EGLN1: variants seen among roughly 807,000 people sequenced by gnomAD.
The protein encoded by EGLN1 is egl-9 family hypoxia inducible factor 1, also known as egl nine homolog 1.
A neutral mutation model predicts 38.3 loss-of-function variants in EGLN1; 17 were observed. The observed-to-expected ratio is 0.44, with a 90% CI of 0.30 to 0.67. The LOEUF (loss-of-function observed/expected upper bound fraction) is 0.67. EGLN1 is among the 30% of genes least tolerant of loss of function. The pLI is 0.08. For missense variants in EGLN1, 477 were observed against 603.3 expected (o/e 0.79, Z 2.19); for synonymous variants, 283 against 257.5 (o/e 1.10, Z -0.95).
chr1:231,403,879 CA>C (rs1345994212), intron 1 of EGLN1, among the ~76,000 whole-genome samples: 4 of 147,494 alleles, frequency 2.7e-5, no homozygotes, highest in African/African-American at 1.0e-4. Flanking sequence ...TTAAATTATT[CA>C]AAGTATTGTA....
intron 1 of EGLN1, among the ~76,000 whole-genome samples, chr1:231,400,475 T>C (rs1688638734): frequency 6.6e-6 from 1 of 152,158 alleles, no homozygotes; most frequent in African/African-American, 2.4e-5. Context: ...CCTGAGTTAC[T>C]TGAAAACAGT....
chr1:231,422,255 G>A lies in EGLN1; in HGVS notation c.-367C>T, dbSNP rs947333253. On this transcript the variant is annotated 5_prime_UTR_variant, in exon 1 of 5. Coordinates refer to ENST00000366641, the MANE Select transcript of EGLN1 (RefSeq NM_022051.3). ...GGGCGGCCCGGCCCAGGCTGTGGAG[G>A]AGCGCAGGGCATACGGGCGCCACTC... 9 of 166,508 alleles carry A rather than the reference G, an allele frequency of 5.4e-5. No homozygotes were observed. The highest frequency in any genetic ancestry group is 8.9e-5 in the Non-Finnish European group (7 of 78,462). The allele number at this position is 166,508 out of a possible 1,614,324, so 10.3% of individuals were successfully genotyped here.
chr1:231,391,376 G>A (rs1175076927), intron 1 of EGLN1, among the ~76,000 whole-genome samples: 1 of 152,122 alleles, frequency 6.6e-6, no homozygotes, highest in African/African-American at 2.4e-5. Context: ...AATTTTAAAA[G>A]TGGAAAAGAT....
At chr1:231,406,791 C>A (rs1454509620) in intron 1 of EGLN1, among the ~76,000 whole-genome samples, 1 of 151,972 alleles carries the variant, frequency 6.6e-6, no homozygotes, top group Non-Finnish European at 1.5e-5. Flanking sequence ...ACCGCTCCCA[C>A]TAGATTCTGA....
At chr1:231,377,231 T>C (rs1411636590) in intron 1 of EGLN1, among the ~76,000 whole-genome samples, 2 of 152,200 alleles carry the variant, frequency 1.3e-5, no homozygotes, top group African/African-American at 4.8e-5. Flanking sequence ...ACTGTTCTCA[T>C]CCTCATTCCT....
At position 231,405,634 on chromosome 1, in the gene EGLN1, A is replaced by G. The variant is rs1458651707; in HGVS notation, c.891+15364T>C. Among the ~76,000 whole-genome samples the G allele has an allele frequency of 2.0e-5, 3 of 152,130 alleles. No individual in the cohort carries two copies. The East Asian group carries it at 5.8e-4, about 29-fold the overall frequency. ...GTAGAGAGCCAGATGACAAGAATCC[A>G]AGGCAATACTAGCAGGTCCTATTCC... On this transcript the variant is annotated intron_variant, in intron 1 of 4. Coordinates refer to ENST00000366641, the MANE Select transcript of EGLN1 (RefSeq NM_022051.3).
intron 1 of EGLN1, among the ~76,000 whole-genome samples, chr1:231,402,268 A>G (rs752662525): frequency 3.3e-5 from 5 of 151,978 alleles, no homozygotes; most frequent in Non-Finnish European, 5.9e-5. Context: ...CATTTTCTTA[A>G]TGGTATCTTT....
At chr1:231,373,846 C>A in intron 2 of EGLN1, 134 bp downstream of exon 2, 2 of 970,254 alleles carry the variant, frequency 2.1e-6, no homozygotes, top group East Asian at 2.6e-5. Flanking sequence ...ACTCCTAATA[C>A]CTGAGACTGA....
chr1:231,388,183 G>A (rs1209592717), intron 1 of EGLN1, among the ~76,000 whole-genome samples: 1 of 152,086 alleles, frequency 6.6e-6, no homozygotes, highest in Non-Finnish European at 1.5e-5. Context: ...CACTGCTAAA[G>A]GATATGACTA....
chr1:231,380,863 A>C (rs1688065134), intron 1 of EGLN1, among the ~76,000 whole-genome samples: 2 of 152,114 alleles, frequency 1.3e-5, no homozygotes, highest in Admixed American at 6.5e-5. Flanking sequence ...TAATTCTTCA[A>C]CTGCTTGCTC....
chr1:231,368,704 T>A (rs113171147), intron 3 of EGLN1, among the ~76,000 whole-genome samples: 4,972 of 152,270 alleles, frequency 0.033, 274 homozygotes, highest in African/African-American at 0.11. Flanking sequence ...AAAGGCAACA[T>A]TTATCAGACA....
chr1:231,374,182 TGGC>T, intron 1 of EGLN1, 83 bp from the exon 2 acceptor site: 2 of 1,310,152 alleles, frequency 1.5e-6, no homozygotes, highest in Non-Finnish European at 2.2e-6. Flanking sequence ...CTCTGATTTT[TGGC>T]TACTGATTTA....
intron 1 of EGLN1, among the ~76,000 whole-genome samples, chr1:231,416,916 A>C (rs1217299204): frequency 6.6e-6 from 1 of 152,228 alleles, no homozygotes; most frequent in Admixed American, 6.5e-5. Context: ...AAAATCATTA[A>C]ACAAGTAACT....
At chr1:231,375,473 C>T (rs1433398005) in intron 1 of EGLN1, among the ~76,000 whole-genome samples, 2 of 152,174 alleles carry the variant, frequency 1.3e-5, no homozygotes, top group East Asian at 1.9e-4. Context: ...AAGAAAAATG[C>T]TAATTTTTAA....
At position 231,373,515 on chromosome 1, in the gene EGLN1, G is replaced by A. The variant is rs1466516702; in HGVS notation, c.1011+465C>T. Among the ~76,000 whole-genome samples the A allele has an allele frequency of 2.0e-5, 3 of 152,010 alleles. No individual in the cohort carries two copies. In the East Asian group the frequency reaches 5.8e-4, roughly 29 times the overall value. ...AAGATATATCAGTACTTTTTTATAT[G>A]GTTTTGAGGTATAACTGATATACAA... On this transcript the variant is annotated intron_variant, in intron 2 of 4. Coordinates refer to ENST00000366641, the MANE Select transcript of EGLN1 (RefSeq NM_022051.3).
intron 1 of EGLN1, among the ~76,000 whole-genome samples, chr1:231,384,270 G>A (rs544147736): frequency 6.6e-6 from 1 of 151,996 alleles, no homozygotes; most frequent in Non-Finnish European, 1.5e-5. Flanking sequence ...CTAGATCTTG[G>A]GGATACACTA....
intron 1 of EGLN1, among the ~76,000 whole-genome samples, chr1:231,385,832 TA>T (rs2102909309): frequency 6.6e-6 from 1 of 152,300 alleles, no homozygotes; most frequent in Admixed American, 6.5e-5. Flanking sequence ...GTAACTGCAA[TA>T]AAAAGGAGCT....
intron 3 of EGLN1, among the ~76,000 whole-genome samples, chr1:231,368,780 T>C (rs1687734020): frequency 6.6e-6 from 1 of 152,178 alleles, no homozygotes; most frequent in African/African-American, 2.4e-5. Context: ...GTCTGGGAGT[T>C]TGGACAACTG....
chr1:231,394,032 C>T (rs964532205), intron 1 of EGLN1, among the ~76,000 whole-genome samples: 1 of 152,172 alleles, frequency 6.6e-6, no homozygotes, highest in African/African-American at 2.4e-5. Context: ...AAGGAGAACT[C>T]CAATCCTTCT....
Sources: gnomAD v4.1 joint callset for allele counts (sites outside exome capture counted in the v4.1 genomes callset) on GRCh38, gnomAD v4.1.1 for gene constraint, MANE v1.5 for transcripts, NCBI Gene and HGNC (gene_info 2026-07-23, HGNC 2026-07-21) for gene names.